Variants in CCDC27 observed in about 807,000 individuals in gnomAD.
CCDC27 encodes the protein coiled-coil domain containing 27, also known as coiled-coil domain-containing protein 27.
A neutral mutation model predicts 80.3 loss-of-function variants in CCDC27; 80 were observed. The observed-to-expected ratio is 1.00, with a 90% CI of 0.83 to 1.20. The LOEUF is 1.20. Ranked by LOEUF, CCDC27 falls within the 50% of genes most tolerant of loss-of-function variation. CCDC27 has a pLI of 0.00. For missense variants in CCDC27, 815 were observed against 809.4 expected (o/e 1.01, Z -0.08); for synonymous variants, 342 against 334.3 (o/e 1.02, Z -0.25).
chr1:3,759,148 C>T (rs1395028866), intron 4 of CCDC27, among the ~76,000 whole-genome samples: 12 of 151,400 alleles, frequency 7.9e-5, no homozygotes, highest in African/African-American at 2.9e-4. Context: ...ATCCAGGAGG[C>T]GGAGGTTTCA....
chr1:3,770,549 A>G (rs1287108953), intron 11 of CCDC27, among the ~76,000 whole-genome samples: 2 of 152,344 alleles, frequency 1.3e-5, no homozygotes, highest in East Asian at 3.9e-4. Flanking sequence ...GGCACCGGCT[A>G]TGGCTCTGTG....
chr1:3,755,771 G>C, intron 3 of CCDC27: 1 of 576,276 alleles, frequency 1.7e-6, no homozygotes, highest in Non-Finnish European at 3.1e-6. Flanking sequence ...AGTCCCCCCA[G>C]GACCGTGGCC....
In CCDC27 at chr1:3,768,088, C is replaced by CTTTT. The variant is rs775378587; in HGVS notation, c.1743+662_1743+665dup. Reference sequence around the variant, plus strand: ...AAAAGGAAATCAATAAAGAGCTGACCTTTTTTTTTTTTTTTTTTTTTTCTG... The same window carrying CTTTT: ...AAAAGGAAATCAATAAAGAGCTGACCTTTTTTTTTTTTTTTTTTTTTTTTTTCTG... On this transcript the variant is annotated intron_variant, in intron 10 of 11. Coordinates refer to ENST00000294600, the MANE Select transcript of CCDC27 (RefSeq NM_152492.3). The surrounding 1 kb of genome is among the most constrained non-coding windows in gnomAD (Gnocchi z 5.6). Among the ~76,000 whole-genome samples the CTTTT allele has an allele frequency of 3.3e-5, 4 of 120,328 alleles. No individual in the cohort carries two copies. The highest frequency in any genetic ancestry group is 6.4e-5 in the African/African-American group (2 of 31,364). 78.9% of individuals were successfully genotyped at this position (120,328 alleles called of 152,430 possible).
Position 3,763,978 on chromosome 1 carries a change from G to C in CCDC27, c.1452+142G>C. The C allele has an allele frequency of 7.2e-7, 1 of 1,387,352 alleles. No individual in the cohort carries two copies. Among genetic ancestry groups the C allele is most frequent in the Non-Finnish European group, 9.6e-7 (1 of 1,045,458 alleles). The allele number at this position is 1,387,352 out of a possible 1,614,324, so 85.9% of individuals were successfully genotyped here. A position where few individuals can be genotyped will look rare whatever the true frequency, so the allele number is the denominator to read the frequency against. On this transcript the variant is annotated intron_variant, in intron 8 of 11. Transcript: ENST00000294600. The surrounding 1 kb of genome is among the most constrained non-coding windows in gnomAD (Gnocchi z 7.5). Reference sequence around the variant, plus strand: ...CTGGGGTGTCCAGGCAGCTGGCCCAGGGTTGTGCGGCTGATAGCGGCCCCG... The same window carrying C: ...CTGGGGTGTCCAGGCAGCTGGCCCACGGTTGTGCGGCTGATAGCGGCCCCG...
At chr1:3,755,090 C>A (rs1006497513) in intron 2 of CCDC27, among the ~76,000 whole-genome samples, 2 of 152,182 alleles carry the variant, frequency 1.3e-5, no homozygotes, top group Admixed American at 1.3e-4. Context: ...GCCATTGGGG[C>A]AATTTGTGAT....
Position 3,761,284 on chromosome 1 carries a change from C to A in CCDC27, c.715C>A (p.His239Asn). 2 of 1,613,770 alleles carry A rather than the reference C, an allele frequency of 1.2e-6. No individual in the cohort carries two copies. The highest frequency in any genetic ancestry group is 1.7e-5 in the Admixed American group (1 of 59,990). Residue 239 changes from histidine (H) to asparagine (N), a missense_variant, in exon 5 of 12, where the codon CAC becomes AAC. His to Asn is a moderately conservative substitution (Grantham distance 68). Coordinates refer to ENST00000294600, the MANE Select transcript of CCDC27 (RefSeq NM_152492.3). The surrounding 1 kb of genome is among the most constrained non-coding windows in gnomAD (Gnocchi z 5.0). ...WYLSVIHEKD[H>N]CLSELEIQVQ... Reference sequence around the variant, plus strand: ...CTGCCCTTGGTTTTCTGCCCAGGATCACTGCCTGTCTGAGCTGGAGATACA... The same window carrying A: ...CTGCCCTTGGTTTTCTGCCCAGGATAACTGCCTGTCTGAGCTGGAGATACA...
Position 3,771,641 on chromosome 1 carries a change from C to G in CCDC27, c.*118C>G, listed in dbSNP as rs532102195. On this transcript the variant is annotated 3_prime_UTR_variant, in exon 12 of 12. Coordinates refer to ENST00000294600, the MANE Select transcript of CCDC27 (RefSeq NM_152492.3). The stretch of plus-strand genomic sequence containing the variant: ...TCAGAATTAAACCCCGGTGTTGGCA[C>G]TGTCCCACCTTTTTCTTCTCTGGGA... The G allele has an allele frequency of 7.4e-3, 8,477 of 1,151,976 alleles. 38 individuals carry two copies. Among genetic ancestry groups the G allele is most frequent in the Non-Finnish European group, 9.4e-3 (7,710 of 817,700 alleles). 71.4% of individuals were successfully genotyped at this position (1,151,976 alleles called of 1,614,324 possible).
At chr1:3,767,163 G>A (rs1455527225) in intron 9 of CCDC27, 70 bp from the exon 10 acceptor site, 1 of 1,433,454 alleles carries the variant, frequency 7.0e-7, no homozygotes, top group Non-Finnish European at 9.7e-7. Flanking sequence ...AGGAAAAAGT[G>A]GATGGGTGCC....
At chr1:3,756,978 G>C in intron 4 of CCDC27, 88 bp downstream of exon 4, 1 of 1,456,294 alleles carries the variant, frequency 6.9e-7, no homozygotes. Flanking sequence ...GACAGGCTCT[G>C]GTTCTAGTAT....
At chr1:3,755,153 G>C (rs1188227417) in intron 2 of CCDC27, among the ~76,000 whole-genome samples, 4 of 152,238 alleles carry the variant, frequency 2.6e-5, no homozygotes, top group Non-Finnish European at 5.9e-5. Flanking sequence ...AGGCAGGGGA[G>C]CTTCCGTTCG....
At position 3,753,139 on chromosome 1, in the gene CCDC27, C is replaced by T. The variant is rs76118477; in HGVS notation, c.318+340C>T. On this transcript the variant is annotated intron_variant, in intron 1 of 11. Coordinates refer to ENST00000294600, the MANE Select transcript of CCDC27 (RefSeq NM_152492.3). ...AGATGTACAGTTTGCCCCAAGACTC[C>T]CAAGGTGCATCTTGAAAAGGAGAGT... 9.1e-3 allele frequency among the ~76,000 whole-genome samples: 1,378 copies of T among 152,074 alleles called. 22 individuals carry two copies. Among genetic ancestry groups the T allele is most frequent in the African/African-American group, 0.031 (1,297 of 41,438 alleles).
At position 3,761,656 on chromosome 1, in the gene CCDC27, G is replaced by A. The variant is rs76278926; in HGVS notation, c.861+226G>A. The stretch of plus-strand genomic sequence containing the variant: ...TGAGAGCCATGAGCTGATGCAACAG[G>A]GGGGGGAGAGATGAATGGAGGCGCA... On this transcript the variant is annotated intron_variant, in intron 5 of 11. Coordinates refer to ENST00000294600, the MANE Select transcript of CCDC27 (RefSeq NM_152492.3). This position sits in a 1 kb window ranked among gnomAD's most constrained non-coding sequence, Gnocchi z 5.0. Among the ~76,000 whole-genome samples the A allele has an allele frequency of 1.2e-5, 1 of 86,750 alleles. No individual in the cohort carries two copies. The highest frequency in any genetic ancestry group is 3.7e-5 in the Non-Finnish European group (1 of 27,246). The allele number at this position is 86,750 out of a possible 152,430, so 56.9% of individuals were successfully genotyped here. A position where few individuals can be genotyped will look rare whatever the true frequency, so the allele number is the denominator to read the frequency against.
At chr1:3,770,074 C>T (rs1643324376) in intron 11 of CCDC27, among the ~76,000 whole-genome samples, 187 bp downstream of exon 11, 1 of 152,134 alleles carries the variant, frequency 6.6e-6, no homozygotes, top group Non-Finnish European at 1.5e-5. Flanking sequence ...CATCCTAAGG[C>T]AGGTGGGGGC....
chr1:3,763,448 C>T lies in CCDC27; in HGVS notation c.1295C>T (p.Thr432Ile). Residue 432 changes from threonine (T) to isoleucine (I), a missense_variant, in exon 7 of 12, where the codon ACC becomes ATC. Thr to Ile is a moderately conservative substitution (Grantham distance 89, BLOSUM62 -1). Coordinates refer to ENST00000294600, the MANE Select transcript of CCDC27 (RefSeq NM_152492.3). This position sits in a 1 kb window ranked among gnomAD's most constrained non-coding sequence, Gnocchi z 7.5. ...ILDFQFNLEA[T>I]RTRYSLATGV... ...GACTTCCAGTTCAACCTGGAGGCCA[C>T]CAGGACCAGATACTCCCTTGCAACA... 1 of 1,608,696 alleles carries T rather than the reference C, an allele frequency of 6.2e-7. No homozygotes were observed. The highest frequency in any genetic ancestry group is 1.3e-5 in the African/African-American group (1 of 74,932).
chr1:3,754,245 A>T lies in CCDC27; in HGVS notation c.442+4A>T. 1.3e-6 allele frequency: 2 copies of T among 1,585,352 alleles called. No homozygotes were observed. Among genetic ancestry groups the T allele is most frequent in the Non-Finnish European group, 1.7e-6 (2 of 1,165,284 alleles). On this transcript the variant is annotated splice_donor_region_variant and intron_variant, in intron 2 of 11. Coordinates refer to ENST00000294600, the MANE Select transcript of CCDC27 (RefSeq NM_152492.3). The stretch of plus-strand genomic sequence containing the variant: ...GCCACATCCATGTCCCACTGTGGTA[A>T]GAGCCCCCCACCAGGACCGCCTGTG...
chr1:3,757,181 A>G (rs1308167493), intron 4 of CCDC27: 2 of 238,884 alleles, frequency 8.4e-6, no homozygotes, highest in Non-Finnish European at 1.6e-5. Context: ...TGCTTCAGAG[A>G]ATGTATTCTA....
Position 3,767,417 on chromosome 1 carries a change from G to A in CCDC27, c.1715G>A (p.Arg572His), listed in dbSNP as rs770644260. The stretch of plus-strand genomic sequence containing the variant: ...ATTCAGCAGGCAGAGCAGCACACCC[G>A]CGTGGCCCTGGAGAGCTCCCAGTCC... Reference protein sequence around the residue: ...EMIQQAEQHTRVALESSQSRL... With the variant: ...EMIQQAEQHTHVALESSQSRL... The change falls in exon 10 of 12, where the codon CGC becomes CAC. Residue 572 changes from arginine (R) to histidine (H), a missense_variant. Coordinates refer to ENST00000294600, the MANE Select transcript of CCDC27 (RefSeq NM_152492.3). 8.1e-6 allele frequency: 13 copies of A among 1,613,086 alleles called. No individual in the cohort carries two copies. The highest frequency in any genetic ancestry group is 6.7e-5 in the Admixed American group (4 of 59,982).
rs956914889 is a variant in CCDC27, at chr1:3,761,668, T to C, written c.861+238T>C. Among the ~76,000 whole-genome samples the C allele has an allele frequency of 6.6e-6, 1 of 150,740 alleles. No individual in the cohort carries two copies. Reference sequence around the variant, plus strand: ...GCTGATGCAACAGGGGGGGGAGAGATGAATGGAGGCGCAAAATGACAAATG... The same window carrying C: ...GCTGATGCAACAGGGGGGGGAGAGACGAATGGAGGCGCAAAATGACAAATG... On this transcript the variant is annotated intron_variant, in intron 5 of 11. Transcript: ENST00000294600. The surrounding 1 kb of genome is among the most constrained non-coding windows in gnomAD (Gnocchi z 5.0).
chr1:3,763,056 C>A lies in CCDC27; in HGVS notation c.955-52C>A. The A allele has an allele frequency of 3.4e-6, 5 of 1,449,330 alleles. No homozygotes were observed. The highest frequency in any genetic ancestry group is 4.5e-6 in the Non-Finnish European group (5 of 1,100,434). 89.8% of individuals were successfully genotyped at this position (1,449,330 alleles called of 1,614,324 possible). A position where few individuals can be genotyped will look rare whatever the true frequency, so the allele number is the denominator to read the frequency against. ...CCGCCATGAGCATTAGAGCCCTCTG[C>A]CCTGGGGGTGCCCCGCAGCCCTGCC... On this transcript the variant is annotated intron_variant, in intron 6 of 11. Coordinates refer to ENST00000294600, the MANE Select transcript of CCDC27 (RefSeq NM_152492.3). The surrounding 1 kb of genome is among the most constrained non-coding windows in gnomAD (Gnocchi z 7.5).
Sources: allele counts gnomAD v4.1 joint callset (sites outside exome capture counted in the v4.1 genomes callset), GRCh38; gene constraint gnomAD v4.1.1; non-coding constraint Gnocchi (gnomAD v3.1); transcripts MANE v1.5; gene names NCBI Gene and HGNC (gene_info 2026-07-23, HGNC 2026-07-21).